Variants in RAB38 observed in about 807,000 individuals in gnomAD.
RAB38 encodes the protein ras-related protein Rab-38.
Under a neutral mutation model 18.4 loss-of-function variants are expected in RAB38, and 15 were observed. That is an observed-to-expected ratio of 0.82 (90% confidence interval 0.55 to 1.26). RAB38 has a LOEUF of 1.26. RAB38 is among the 50% of genes most tolerant of loss of function. RAB38 has a pLI of 0.00. For synonymous variants in RAB38, 101 were observed against 104.4 expected (o/e 0.97, Z 0.20); for missense variants, 294 against 267.4 (o/e 1.10, Z -0.69).
chr11:87,938,100 C>A, the RAB38 span, among the ~76,000 whole-genome samples: 1 of 152,050 alleles, frequency 6.6e-6, no homozygotes, highest in Non-Finnish European at 1.5e-5. Context: ...CTTTCTCTGT[C>A]ATCTTGTTAC....
chr11:87,847,069 G>A, the RAB38 span, among the ~76,000 whole-genome samples: 1 of 151,714 alleles, frequency 6.6e-6, no homozygotes, highest in African/African-American at 2.4e-5. Flanking sequence ...CAGGAAAAAA[G>A]AAAGATCTAA....
At chr11:87,935,723 C>G in the RAB38 span, among the ~76,000 whole-genome samples, 1 of 151,976 alleles carries the variant, frequency 6.6e-6, no homozygotes, top group Non-Finnish European at 1.5e-5. Flanking sequence ...ATAAGGATCT[C>G]TCTTGTCCTT....
chr11:87,853,574 C>G, the RAB38 span, among the ~76,000 whole-genome samples: 1 of 152,098 alleles, frequency 6.6e-6, no homozygotes, highest in African/African-American at 2.4e-5. Flanking sequence ...CTGACAAATA[C>G]AAGGTAGAAG....
At chr11:88,004,723 C>T in the RAB38 span, among the ~76,000 whole-genome samples, 1 of 151,286 alleles carries the variant, frequency 6.6e-6, no homozygotes, top group East Asian at 1.9e-4. Context: ...CATGATTATT[C>T]ACATAAAAAT....
At chr11:87,951,170 G>A in the RAB38 span, among the ~76,000 whole-genome samples, 1 of 152,058 alleles carries the variant, frequency 6.6e-6, no homozygotes. Context: ...TCTTCCAGTT[G>A]ATCGCATCGG....
the RAB38 span, among the ~76,000 whole-genome samples, chr11:88,081,747 C>T: frequency 6.6e-6 from 1 of 151,838 alleles, no homozygotes; most frequent in African/African-American, 2.4e-5. Context: ...CTGCAAAGAC[C>T]CTTTTTCCAA....
At chr11:88,062,775 T>C in the RAB38 span, among the ~76,000 whole-genome samples, 2 of 152,212 alleles carry the variant, frequency 1.3e-5, no homozygotes, top group Admixed American at 6.5e-5. Flanking sequence ...TTGGAGTTTC[T>C]TTGGGTAGCA....
At chr11:88,154,195 C>G (rs1248234522) in intron 1 of RAB38, among the ~76,000 whole-genome samples, 1 of 152,188 alleles carries the variant, frequency 6.6e-6, no homozygotes, top group Non-Finnish European at 1.5e-5. Context: ...ACGTGAGGAA[C>G]AGCTGCAGAC....
intron 1 of RAB38, among the ~76,000 whole-genome samples, chr11:88,151,870 T>C (rs1943066031): frequency 6.6e-6 from 1 of 152,128 alleles, no homozygotes; most frequent in African/African-American, 2.4e-5. Context: ...CACAAGCAAG[T>C]ATCACTGGAA....
the RAB38 span, among the ~76,000 whole-genome samples, chr11:87,814,164 G>A: frequency 3.3e-5 from 5 of 152,272 alleles, no homozygotes; most frequent in Admixed American, 6.5e-5. Context: ...TAGTACTCCC[G>A]AGTGGGATGA....
At chr11:88,085,489 A>G in the RAB38 span, among the ~76,000 whole-genome samples, 2 of 151,946 alleles carry the variant, frequency 1.3e-5, no homozygotes, top group Non-Finnish European at 2.9e-5. Context: ...TATTTTCATT[A>G]TAGTATGTAA....
the RAB38 span, among the ~76,000 whole-genome samples, chr11:88,027,552 G>A: frequency 2.6e-5 from 4 of 152,312 alleles, no homozygotes; most frequent in East Asian, 1.9e-4. Flanking sequence ...CTTAAAAAAC[G>A]GCGCACCAGG....
At chr11:88,032,927 CAT>C in the RAB38 span, among the ~76,000 whole-genome samples, 1 of 152,198 alleles carries the variant, frequency 6.6e-6, no homozygotes, top group African/African-American at 2.4e-5. Context: ...CACATGCACA[CAT>C]ATGTTTATTG....
intron 1 of RAB38, among the ~76,000 whole-genome samples, chr11:88,165,135 T>C (rs1250705748): frequency 1.3e-5 from 2 of 152,140 alleles, no homozygotes; most frequent in African/African-American, 2.4e-5. Context: ...AAATATATAA[T>C]GAGCACCTTC....
chr11:88,040,242 A>G, the RAB38 span, among the ~76,000 whole-genome samples: 473 of 152,310 alleles, frequency 3.1e-3, 1 homozygote, highest in Non-Finnish European at 4.6e-3. Context: ...GAGTATCAAC[A>G]GGACTAGTTC....
the RAB38 span, among the ~76,000 whole-genome samples, chr11:87,869,098 C>CA: frequency 2.0e-5 from 3 of 151,652 alleles, no homozygotes; most frequent in South Asian, 6.2e-4. Context: ...ATCTAGGGAG[C>CA]AAAACCATAA....
chr11:87,916,258 C>T, the RAB38 span, among the ~76,000 whole-genome samples: 18 of 152,074 alleles, frequency 1.2e-4, no homozygotes, highest in South Asian at 4.2e-4. Flanking sequence ...TATGGTTTTT[C>T]GCCATCAGAC....
At chr11:87,880,456 A>G in the RAB38 span, among the ~76,000 whole-genome samples, 21 of 151,970 alleles carry the variant, frequency 1.4e-4, no homozygotes, top group South Asian at 4.4e-3. Context: ...TACAGCTTAT[A>G]GAAGAGCCAC....
intron 2 of RAB38, among the ~76,000 whole-genome samples, chr11:88,127,768 A>G (rs1565211226): frequency 6.6e-6 from 1 of 152,188 alleles, no homozygotes; most frequent in Non-Finnish European, 1.5e-5. Flanking sequence ...AATGCTCCCT[A>G]ATCCAGAACC....
Sources: allele counts gnomAD v4.1 joint callset (sites outside exome capture counted in the v4.1 genomes callset), GRCh38; gene constraint gnomAD v4.1.1; transcripts MANE v1.5; gene names NCBI Gene and HGNC (gene_info 2026-07-23, HGNC 2026-07-21).